The following BLTP1 variants were observed in gnomAD, a reference collection of about 807,000 sequenced individuals.
BLTP1 encodes fragile site-associated protein.
At chr4:122,216,720 T>G in the BLTP1 span, among the ~76,000 whole-genome samples, 1 of 152,250 alleles carries the variant, frequency 6.6e-6, no homozygotes, top group African/African-American at 2.4e-5. Context: ...GGTTGTCTGT[T>G]TATTCTGCTG....
chr4:122,358,076 T>C, the BLTP1 span, among the ~76,000 whole-genome samples: 1 of 152,200 alleles, frequency 6.6e-6, no homozygotes, highest in Admixed American at 6.5e-5. Flanking sequence ...TCTTGTATAT[T>C]ATATATAAGT....
chr4:122,269,624 T>C, the BLTP1 span: 1 of 985,206 alleles, frequency 1.0e-6, no homozygotes, highest in South Asian at 4.7e-5. Context: ...ATTGTCTGGG[T>C]TTTTTGTTTG....
the BLTP1 span, chr4:122,187,581 T>C: frequency 1.4e-6 from 2 of 1,434,120 alleles, no homozygotes; most frequent in Non-Finnish European, 1.9e-6. Context: ...TTTGCAAATA[T>C]GATTTTAATG....
At chr4:122,238,271 A>C in the BLTP1 span, 1 of 1,614,146 alleles carries the variant, frequency 6.2e-7, no homozygotes, top group Non-Finnish European at 8.5e-7. Context: ...TGAAAAGGAA[A>C]GTCCTTCATC....
the BLTP1 span, among the ~76,000 whole-genome samples, chr4:122,215,042 G>C: frequency 6.6e-6 from 1 of 152,114 alleles, no homozygotes. Flanking sequence ...AATTTTAAAA[G>C]TACATTTTGT....
chr4:122,276,635 G>A, the BLTP1 span: 1 of 973,752 alleles, frequency 1.0e-6, no homozygotes, highest in Admixed American at 6.2e-5. Context: ...TTAAACAATG[G>A]TTTTAATTAT....
At chr4:122,199,711 A>T in the BLTP1 span, among the ~76,000 whole-genome samples, 1 of 152,138 alleles carries the variant, frequency 6.6e-6, no homozygotes, top group African/African-American at 2.4e-5. Flanking sequence ...TTGTTAGAAT[A>T]TTGTTTTTAA....
chr4:122,250,664 T>C, the BLTP1 span: 3 of 1,256,180 alleles, frequency 2.4e-6, no homozygotes, highest in South Asian at 1.3e-5. Context: ...TTCTGGAGTG[T>C]ATTTGCCTGT....
chr4:122,249,671 T>C, the BLTP1 span: 3 of 1,613,478 alleles, frequency 1.9e-6, no homozygotes, highest in Non-Finnish European at 2.5e-6. Context: ...CTTGAAAATT[T>C]AACCATAAAA....
At chr4:122,176,916 A>G in the BLTP1 span, among the ~76,000 whole-genome samples, 1 of 152,188 alleles carries the variant, frequency 6.6e-6, no homozygotes, top group African/African-American at 2.4e-5. Flanking sequence ...AACAGACTCT[A>G]GGAAACACAC....
chr4:122,207,574 T>C, the BLTP1 span: 36 of 1,603,136 alleles, frequency 2.2e-5, no homozygotes, highest in South Asian at 2.1e-4. Flanking sequence ...ACACTAAACA[T>C]TGATTTTTCT....
At chr4:122,346,877 A>G in the BLTP1 span, 4 of 1,485,536 alleles carry the variant, frequency 2.7e-6, no homozygotes, top group African/African-American at 5.6e-5. Context: ...GTCATTCAAG[A>G]AATGTCCATT....
chr4:122,260,083 C>A, the BLTP1 span: 1 of 226,218 alleles, frequency 4.4e-6, no homozygotes, highest in Non-Finnish European at 7.4e-6. Context: ...TTACACAAAC[C>A]TAGATGATGG....
At chr4:122,224,867 C>T in the BLTP1 span, 34 of 1,489,828 alleles carry the variant, frequency 2.3e-5, no homozygotes, top group East Asian at 8.2e-4. Flanking sequence ...CTTTTCTGAG[C>T]CACATATAAT....
chr4:122,184,167 A>G, the BLTP1 span, among the ~76,000 whole-genome samples: 1 of 152,214 alleles, frequency 6.6e-6, no homozygotes, highest in East Asian at 1.9e-4. Context: ...TTATAAATGA[A>G]ATCAAAGGCA....
At chr4:122,300,366 T>C in the BLTP1 span, among the ~76,000 whole-genome samples, 10 of 152,190 alleles carry the variant, frequency 6.6e-5, no homozygotes, top group Non-Finnish European at 5.9e-5. Context: ...CTTAATACTT[T>C]ACTTTCCATC....
chr4:122,200,170 T>C, the BLTP1 span: 1 of 912,432 alleles, frequency 1.1e-6, no homozygotes, highest in Non-Finnish European at 1.3e-6. Flanking sequence ...TAAAATACTA[T>C]AAATATACCT....
the BLTP1 span, among the ~76,000 whole-genome samples, chr4:122,212,707 T>G: frequency 6.6e-6 from 1 of 152,214 alleles, no homozygotes; most frequent in Non-Finnish European, 1.5e-5. Context: ...TGCTTTCATT[T>G]TAGACTTGTT....
chr4:122,324,578 T>A, the BLTP1 span: 2 of 1,526,058 alleles, frequency 1.3e-6, no homozygotes, highest in South Asian at 2.5e-5. Context: ...ATAAAATTGT[T>A]GACTCTTTTA....
Sources: gnomAD v4.1 joint callset for allele counts (sites outside exome capture counted in the v4.1 genomes callset) on GRCh38, gnomAD v4.1.1 for gene constraint, MANE v1.5 for transcripts, NCBI Gene and HGNC (gene_info 2026-07-23, HGNC 2026-07-21) for gene names.